MGMT: variants seen among roughly 807,000 people sequenced by gnomAD.
MGMT encodes the protein methylated-DNA--protein-cysteine methyltransferase.
In MGMT, 14 loss-of-function variants were observed where a neutral mutation model predicts 15.9. The ratio of observed to expected loss-of-function variants is 0.88; its 90% CI spans 0.58 to 1.37. MGMT has a LOEUF of 1.37. Among genes scored for constraint, MGMT ranks in the 40% most tolerant of loss-of-function variants. The pLI, the probability that MGMT is intolerant of heterozygous loss-of-function variation, is 0.00. For synonymous variants in MGMT, 130 were observed against 118.2 expected, an observed-to-expected ratio of 1.10 and a Z score of -0.65; for missense variants, 282 against 268.1, an observed-to-expected ratio of 1.05 and a Z score of -0.36.
At chr10:129,683,100 C>T (rs1157761936) in intron 2 of MGMT, among the ~76,000 whole-genome samples, 6 of 152,226 alleles carry the variant, frequency 3.9e-5, no homozygotes, top group Admixed American at 6.5e-5. Context: ...CCACCAGCCT[C>T]GGCCTCCCTA....
chr10:129,607,933 C>T (rs570880173), intron 2 of MGMT, among the ~76,000 whole-genome samples: 2 of 152,184 alleles, frequency 1.3e-5, no homozygotes, highest in African/African-American at 4.8e-5. Flanking sequence ...CCGTGTTTCA[C>T]ATGCGAGGTT....
intron 2 of MGMT, among the ~76,000 whole-genome samples, chr10:129,678,908 A>G (rs2133118454): frequency 6.6e-6 from 1 of 152,148 alleles, no homozygotes; most frequent in Admixed American, 6.5e-5. Context: ...CCCTGTCTCT[A>G]CTAAAAATAC....
At chr10:129,580,216 C>T (rs775763351) in intron 2 of MGMT, among the ~76,000 whole-genome samples, 4 of 151,980 alleles carry the variant, frequency 2.6e-5, no homozygotes, top group African/African-American at 9.7e-5. Flanking sequence ...CTGCTGTGCC[C>T]GGGGGGGCGG....
At chr10:129,552,024 A>G (rs1846162912) in intron 2 of MGMT, among the ~76,000 whole-genome samples, 1 of 152,214 alleles carries the variant, frequency 6.6e-6, no homozygotes, top group African/African-American at 2.4e-5. Context: ...CTTGGCAGTC[A>G]TGGGACCAGG....
chr10:129,732,579 TAA>T (rs796468148), intron 3 of MGMT, among the ~76,000 whole-genome samples: 1 of 151,878 alleles, frequency 6.6e-6, no homozygotes, highest in African/African-American at 2.4e-5. Context: ...TATTATACTT[TAA>T]GTTTTAGGGT....
At chr10:129,754,871 G>A (rs559695737) in intron 3 of MGMT, among the ~76,000 whole-genome samples, 40 of 152,180 alleles carry the variant, frequency 2.6e-4, no homozygotes, top group Non-Finnish European at 5.1e-4. Context: ...TTCCAACACA[G>A]GAACACATTG....
intron 2 of MGMT, among the ~76,000 whole-genome samples, chr10:129,698,305 C>A (rs1422050583): frequency 6.6e-6 from 1 of 152,138 alleles, no homozygotes; most frequent in East Asian, 1.9e-4. Flanking sequence ...ATTTGAAGCC[C>A]ATGTCCAGGC....
chr10:129,522,371 GAAAGCTA>G (rs1218076140), intron 1 of MGMT, among the ~76,000 whole-genome samples: 1 of 152,204 alleles, frequency 6.6e-6, no homozygotes, highest in Non-Finnish European at 1.5e-5. Flanking sequence ...AGGCTTTGCA[GAAAGCTA>G]CTGTTCCTTT....
chr10:129,475,520 C>A (rs900454353), intron 1 of MGMT, among the ~76,000 whole-genome samples: 1 of 152,208 alleles, frequency 6.6e-6, no homozygotes, highest in Non-Finnish European at 1.5e-5. Context: ...ATTTAGCTAG[C>A]TAGCCCAAGA....
At chr10:129,505,095 C>A (rs962645146) in intron 1 of MGMT, among the ~76,000 whole-genome samples, 2 of 152,124 alleles carry the variant, frequency 1.3e-5, no homozygotes, top group East Asian at 3.9e-4. Flanking sequence ...CACTGGTATG[C>A]TGTTTTTCCA....
chr10:129,628,270 T>C (rs999416487), intron 2 of MGMT, among the ~76,000 whole-genome samples: 1 of 152,220 alleles, frequency 6.6e-6, no homozygotes, highest in Non-Finnish European at 1.5e-5. Flanking sequence ...TAAATGTAAA[T>C]TATTTTTCCA....
At position 129,721,124 on chromosome 10, in the gene MGMT, T is replaced by G. The variant is rs1035128380; in HGVS notation, c.274+13081T>G. Among the ~76,000 whole-genome samples, 6 of 152,390 alleles carry G rather than the reference T, an allele frequency of 3.9e-5. No individual in the cohort carries two copies. The South Asian group carries it at 8.3e-4, about 21-fold the overall frequency. The stretch of plus-strand genomic sequence containing the variant: ...GACAAAGGAGTATTCAAAACTGACT[T>G]ACGAGGTATAAATAATAAAGGACAA... On this transcript the variant is annotated intron_variant, in intron 3 of 4. Coordinates refer to ENST00000651593, the MANE Select transcript of MGMT (RefSeq NM_002412.5).
At chr10:129,711,557 A>G (rs1848233173) in intron 3 of MGMT, among the ~76,000 whole-genome samples, 1 of 152,230 alleles carries the variant, frequency 6.6e-6, no homozygotes. Flanking sequence ...TGTCCAGTGA[A>G]GCATATTCTA....
intron 2 of MGMT, among the ~76,000 whole-genome samples, chr10:129,668,826 A>G (rs1486735251): frequency 6.6e-6 from 1 of 152,110 alleles, no homozygotes; most frequent in Non-Finnish European, 1.5e-5. Context: ...AGGTTTTTAG[A>G]AAATCTTTTT....
At chr10:129,765,297 C>T (rs1220248801) in intron 4 of MGMT, among the ~76,000 whole-genome samples, 2 of 152,168 alleles carry the variant, frequency 1.3e-5, no homozygotes, top group Non-Finnish European at 1.5e-5. Flanking sequence ...CCACATGCTC[C>T]TGGGAAGCCA....
At chr10:129,643,257 C>T (rs1024010512) in intron 2 of MGMT, among the ~76,000 whole-genome samples, 2 of 150,990 alleles carry the variant, frequency 1.3e-5, no homozygotes, top group African/African-American at 4.9e-5. Context: ...TGGGAGATAG[C>T]AGATTAGAGA....
At chr10:129,564,217 C>CCTCTTCCCCCTTCCCCCTCCT (rs1308361755) in intron 2 of MGMT, 1 of 56,736 alleles carries the variant, frequency 1.8e-5, no homozygotes, top group African/African-American at 6.7e-5. Flanking sequence ...CTCTCCCCCT[C>CCTCTTCCCCCTTCCCCCTCCT]CTTCCCCCTT....
intron 2 of MGMT, among the ~76,000 whole-genome samples, chr10:129,571,845 C>A (rs900044032): frequency 2.0e-5 from 3 of 152,166 alleles, no homozygotes; most frequent in Non-Finnish European, 1.5e-5. Flanking sequence ...ATAAATATGA[C>A]TTTTATATGC....
chr10:129,573,091 G>A (rs912482857), intron 2 of MGMT, among the ~76,000 whole-genome samples: 2 of 152,134 alleles, frequency 1.3e-5, no homozygotes, highest in African/African-American at 4.8e-5. Flanking sequence ...AGGTAAGGTT[G>A]AACATTTTTC....
Sources: gnomAD v4.1 joint callset for allele counts (sites outside exome capture counted in the v4.1 genomes callset) on GRCh38, gnomAD v4.1.1 for gene constraint, MANE v1.5 for transcripts, NCBI Gene and HGNC (gene_info 2026-07-23, HGNC 2026-07-21) for gene names.